The following KXD1 variants were observed in gnomAD, a reference collection of about 807,000 sequenced individuals.
KXD1 encodes the protein kxDL motif-containing protein 1.
KXD1 carries 5 observed loss-of-function variants against 12.1 expected under a neutral mutation model. The ratio of observed to expected loss-of-function variants is 0.41; its 90% CI spans 0.22 to 0.87. The LOEUF (loss-of-function observed/expected upper bound fraction) is 0.87, where lower values mean the gene tolerates loss of function less well. Among genes scored for constraint, KXD1 ranks in the 40% least tolerant of loss-of-function variants. KXD1 has a pLI of 0.31. For missense variants in KXD1, 193 were observed against 244.9 expected (o/e 0.79, Z 1.41); for synonymous variants, 98 against 100.5 (o/e 0.98, Z 0.15).
rs1335863757 is a variant in KXD1 at position 18,557,909 on chromosome 19, G to A, written c.-27G>A. 1 of 152,280 alleles carries A rather than the reference G, an allele frequency of 6.6e-6. No homozygotes were observed. The highest frequency in any genetic ancestry group is 2.4e-5 in the African/African-American group (1 of 41,456). 9.4% of individuals were successfully genotyped at this position (152,280 alleles called of 1,614,324 possible). On this transcript the variant is annotated 5_prime_UTR_variant, in exon 1 of 5. In the 5' UTR this introduces an upstream ATG that the reference lacks. Coordinates refer to ENST00000222307, the MANE Select transcript of KXD1 (RefSeq NM_024069.4). ...GGAAGCGCGAGCAAGGCCGCCAGAT[G>A]TGCAGGTGCCGCCGCTACCGACGCC...
At chr19:18,562,246 A>G (rs988714914) in intron 2 of KXD1, 89 bp downstream of exon 2, 78 of 936,652 alleles carry the variant, frequency 8.3e-5, no homozygotes, top group Middle Eastern at 2.2e-4. Flanking sequence ...CGGGGCCCAC[A>G]CTGGTGATAA....
At chr19:18,558,913 T>C (rs1173031634) in intron 1 of KXD1, 1 of 150,396 alleles carries the variant, frequency 6.6e-6, no homozygotes, top group Non-Finnish European at 1.5e-5. Flanking sequence ...GAGGAGTGTA[T>C]CCCAGAAGGT....
In KXD1 at chr19:18,568,726, G is replaced by A; in HGVS notation, c.*95G>A. On this transcript the variant is annotated 3_prime_UTR_variant, in exon 5 of 5. Transcript: ENST00000222307. Reference sequence around the variant, plus strand: ...TTGTTCTGTCATCCAGGGCTCCTTTGCTGCCCCGTTCTGTCACCCAGGGCT... The same window carrying A: ...TTGTTCTGTCATCCAGGGCTCCTTTACTGCCCCGTTCTGTCACCCAGGGCT... 1.1e-6 allele frequency: 1 copy of A among 935,606 alleles called. No homozygotes were observed. The highest frequency in any genetic ancestry group is 1.6e-6 in the Non-Finnish European group (1 of 619,856). The allele number at this position is 935,606 out of a possible 1,614,324, so 58.0% of individuals were successfully genotyped here.
chr19:18,568,512 C>T lies in KXD1; in HGVS notation c.412C>T (p.Pro138Ser), dbSNP rs1480158111. 1.2e-6 allele frequency: 2 copies of T among 1,614,120 alleles called. No individual in the cohort carries two copies. Among genetic ancestry groups the T allele is most frequent in the Middle Eastern group, 3.3e-4 (2 of 6,060 alleles). ...GAGCACGGGCTCATGTGACACCAGC[C>T]CCGACACCGTCTCGCCCTCCCTGAG... is the stretch of plus-strand genomic sequence containing the variant. The part of the protein sequence containing the change: ...EQSTGSCDTS[P>S]DTVSPSLSPG... The change falls in exon 5 of 5, where the codon CCC becomes TCC. Residue 138 changes from proline (P) to serine (S), a missense_variant. Pro to Ser is a moderately conservative substitution (Grantham distance 74, BLOSUM62 -1). Transcript: ENST00000222307.
chr19:18,559,890 CTCTT>C (rs920546980), intron 1 of KXD1: 143 of 145,680 alleles, frequency 9.8e-4, no homozygotes, highest in African/African-American at 3.4e-3. Flanking sequence ...CTTTCTTTCT[CTCTT>C]TCTCTGTCTC....
In KXD1 at chr19:18,564,860, C is replaced by T. The variant is rs534822612; in HGVS notation, c.102-9C>T. On this transcript the variant is annotated splice_polypyrimidine_tract_variant and intron_variant, in intron 2 of 4. Transcript: ENST00000222307. ...GGCAGTGAAGCTCATGCCCTCTCTC[C>T]ACCATCAGGCTGGACCGCTTTGAGA... The T allele has an allele frequency of 5.0e-6, 8 of 1,613,364 alleles. No homozygotes were observed. The highest frequency in any genetic ancestry group is 6.8e-6 in the Non-Finnish European group (8 of 1,179,960).
At chr19:18,560,195 A>T (rs1974875013) in intron 1 of KXD1, 1 of 151,854 alleles carries the variant, frequency 6.6e-6, no homozygotes, top group South Asian at 2.1e-4. Context: ...TTTAGTAGAG[A>T]CTGAGTTTCA....
At position 18,561,968 on chromosome 19, in the gene KXD1, C is replaced by T. The variant is rs146595504; in HGVS notation, c.-21-68C>T. 63 of 1,033,198 alleles carry T rather than the reference C, an allele frequency of 6.1e-5. 1 individual carries two copies. The African/African-American group carries it at 7.2e-4, about 12-fold the overall frequency. The allele number at this position is 1,033,198 out of a possible 1,614,324, so 64.0% of individuals were successfully genotyped here. A position where few individuals can be genotyped will look rare whatever the true frequency, so the allele number is the denominator to read the frequency against. On this transcript the variant is annotated intron_variant, in intron 1 of 4. Transcript: ENST00000222307. ...GTTAGGTTCCAGCACATGGCGGTCC[C>T]GGCCTGGCCTCTTGGTCCCACCTCA...
At chr19:18,567,645 G>C (rs12980049) in intron 4 of KXD1, among the ~76,000 whole-genome samples, 4,187 of 152,300 alleles carry the variant, frequency 0.027, 60 homozygotes, top group Non-Finnish European at 0.041. Context: ...ACTTGAGTTC[G>C]CATCTGTCTG....
chr19:18,562,047 G>C lies in KXD1; in HGVS notation c.-10G>C. 6.2e-7 allele frequency: 1 copy of C among 1,610,016 alleles called. No homozygotes were observed. Among genetic ancestry groups the C allele is most frequent in the Middle Eastern group, 1.7e-4 (1 of 6,016 alleles). On this transcript the variant is annotated 5_prime_UTR_variant, in exon 2 of 5. Transcript: ENST00000222307. ...CTTGCCTGTTTCAGGCAGCGGAGGA[G>C]GAGAAAGAGATGGACCTCCCGGACT...
chr19:18,567,317 G>T (rs1335137984), intron 4 of KXD1, 139 bp downstream of exon 4: 1 of 855,806 alleles, frequency 1.2e-6, no homozygotes. Flanking sequence ...TGGGGTGGGG[G>T]CAGGGTCAGG....
chr19:18,564,992 G>A lies in KXD1; in HGVS notation c.225G>A (p.Arg75=). 9 of 1,608,768 alleles carry A rather than the reference G, an allele frequency of 5.6e-6. No homozygotes were observed. Among genetic ancestry groups the A allele is most frequent in the Non-Finnish European group, 7.6e-6 (9 of 1,179,966 alleles). The part of the protein sequence containing the change: ...HHTRTLVEMK[R]DLDSIFRRIR... The stretch of plus-strand genomic sequence containing the variant: ...CGAGGACCCTAGTAGAGATGAAACG[G>A]GACCTGGACAGCATCTTCCGCCGTA... Residue 75 remains arginine (R), a synonymous_variant, in exon 3 of 5, where the codon CGG becomes CGA. Transcript: ENST00000222307.
At chr19:18,568,335 A>G in intron 4 of KXD1, 67 bp from the exon 5 acceptor site, 1 of 1,207,800 alleles carries the variant, frequency 8.3e-7, no homozygotes, top group Admixed American at 1.8e-5. Context: ...GGTCACATGG[A>G]CAATAAGTCC....
chr19:18,563,918 G>T (rs1382729109), intron 2 of KXD1, among the ~76,000 whole-genome samples: 2 of 150,210 alleles, frequency 1.3e-5, no homozygotes, highest in African/African-American at 2.5e-5. Flanking sequence ...ACATAGTTTC[G>T]CACTGTCACC....
At chr19:18,566,177 G>A (rs111852762) in intron 3 of KXD1, among the ~76,000 whole-genome samples, 1,861 of 152,196 alleles carry the variant, frequency 0.012, 55 homozygotes, top group African/African-American at 0.043. Flanking sequence ...GCGGCTGGGC[G>A]AGGTGGCCCA....
intron 2 of KXD1, 124 bp downstream of exon 2, chr19:18,562,281 C>T (rs979135738): frequency 1.0e-5 from 7 of 691,284 alleles, no homozygotes; most frequent in East Asian, 3.1e-5. Flanking sequence ...GCAAATCTGT[C>T]GCTGGCTCCA....
At chr19:18,564,144 C>A (rs1312293990) in intron 2 of KXD1, among the ~76,000 whole-genome samples, 6 of 152,012 alleles carry the variant, frequency 3.9e-5, no homozygotes, top group African/African-American at 1.2e-4. Flanking sequence ...CTTGACCTCC[C>A]AAAGCGCTGG....
chr19:18,568,293 C>T, intron 4 of KXD1, 109 bp from the exon 5 acceptor site: 1 of 709,522 alleles, frequency 1.4e-6, no homozygotes, highest in South Asian at 1.7e-5. Flanking sequence ...AGGGTCAAGT[C>T]ATACCCCCAT....
intron 2 of KXD1, among the ~76,000 whole-genome samples, chr19:18,562,443 A>G (rs796561735): frequency 2.0e-4 from 30 of 152,184 alleles, no homozygotes; most frequent in African/African-American, 6.5e-4. Context: ...AGGGGGCCAC[A>G]TGCAGGTTTT....
Sources: allele counts gnomAD v4.1 joint callset (sites outside exome capture counted in the v4.1 genomes callset), GRCh38; gene constraint gnomAD v4.1.1; transcripts MANE v1.5; gene names NCBI Gene and HGNC (gene_info 2026-07-23, HGNC 2026-07-21).